The following LCTL variants were observed in gnomAD, a reference collection of about 807,000 sequenced individuals.
LCTL encodes the protein lactase-like protein.
In LCTL, 76 loss-of-function variants were observed where a neutral mutation model predicts 75.8. The observed-to-expected ratio is 1.00, with a 90% CI of 0.83 to 1.21. The LOEUF is 1.21. Ranked by LOEUF, LCTL falls within the 50% of genes most tolerant of loss-of-function variation. LCTL has a pLI of 0.00. For synonymous variants in LCTL, 271 were observed against 268.8 expected (o/e 1.01, Z -0.08); for missense variants, 670 against 712.4 (o/e 0.94, Z 0.68).
In LCTL at chr15:66,561,107, G is replaced by A; in HGVS notation, c.610-6C>T. 1 of 1,614,188 alleles carries A rather than the reference G, an allele frequency of 6.2e-7. No homozygotes were observed. Among genetic ancestry groups the A allele is most frequent in the Non-Finnish European group, 8.5e-7 (1 of 1,180,030 alleles). ...TAGCCTTTTTCTGCCATTGCCTATA[G>A]GGACAGCAAGCAGGACCACAGGATC... On this transcript the variant is annotated splice_polypyrimidine_tract_variant and splice_region_variant and intron_variant, in intron 5 of 12. Coordinates refer to ENST00000341509, the Ensembl canonical transcript of LCTL.
At chr15:66,553,172 C>G (rs371156043) in exon 9 of LCTL, 1 of 1,611,118 alleles carries the variant, frequency 6.2e-7, no homozygotes. Context: ...CCCAAGAAAT[C>G]GGATGTGCCT....
rs555821093 is a variant in LCTL at position 66,562,799 on chromosome 15, G to A, written c.480+717C>T. ...GTGTTTCACCAGGTTGGCCAGGCTG[G>A]TCTCGAAGTCCTGACTTCAGGTGAT... On this transcript the variant is annotated intron_variant, in intron 4 of 12. Transcript: ENST00000341509. Among the ~76,000 whole-genome samples, 51 of 152,264 alleles carry A rather than the reference G, an allele frequency of 3.3e-4. 1 individual carries two copies. In the South Asian group the frequency reaches 0.01, roughly 30 times the overall value.
At chr15:66,553,845 T>C (rs1057340882) in intron 8 of LCTL, among the ~76,000 whole-genome samples, 33 of 151,668 alleles carry the variant, frequency 2.2e-4, no homozygotes, top group African/African-American at 7.5e-4. Flanking sequence ...GGCTCCTATA[T>C]TGTTCCTTAC....
At chr15:66,563,197 T>C (rs1310279772) in intron 4 of LCTL, among the ~76,000 whole-genome samples, 1 of 152,166 alleles carries the variant, frequency 6.6e-6, no homozygotes, top group Non-Finnish European at 1.5e-5. Flanking sequence ...CAAGGCATCA[T>C]CTTGGAAGCA....
At chr15:66,553,684 G>A (rs1567059027) in intron 8 of LCTL, among the ~76,000 whole-genome samples, 1 of 151,652 alleles carries the variant, frequency 6.6e-6, no homozygotes, top group African/African-American at 2.4e-5. Context: ...GAATCCAGGA[G>A]GTGGAGCTTG....
intron 8 of LCTL, among the ~76,000 whole-genome samples, chr15:66,557,073 G>C (rs1322764603): frequency 6.6e-6 from 1 of 152,126 alleles, no homozygotes; most frequent in Non-Finnish European, 1.5e-5. Flanking sequence ...TGTGGCCATG[G>C]GGATTGGTTG....
At chr15:66,551,749 G>C in exon 11 of LCTL, 1 of 1,613,744 alleles carries the variant, frequency 6.2e-7, no homozygotes, top group Admixed American at 1.7e-5. Flanking sequence ...TATTTCTGTC[G>C]TTAAATTCAA....
intron 9 of LCTL, 144 bp from the exon 11 acceptor site, chr15:66,552,313 C>T (rs1895627385): frequency 1.6e-6 from 1 of 618,736 alleles, no homozygotes; most frequent in Non-Finnish European, 2.8e-6. Context: ...TGTCAGATAA[C>T]ATGTTTATTT....
At chr15:66,553,511 T>G (rs1016394921) in intron 8 of LCTL, among the ~76,000 whole-genome samples, 2 of 151,660 alleles carry the variant, frequency 1.3e-5, no homozygotes, top group African/African-American at 4.8e-5. Context: ...ATCCCAGCAC[T>G]TTGGGAGGCT....
exon 2 of LCTL, chr15:66,564,814 A>G: frequency 6.2e-7 from 1 of 1,612,816 alleles, no homozygotes; most frequent in Non-Finnish European, 8.5e-7. Context: ...TCTGGTAGGC[A>G]GAACTGCCCA....
intron 6 of LCTL, 103 bp from the exon 8 acceptor site, chr15:66,558,139 T>C (rs1029728686): frequency 3.1e-6 from 3 of 970,198 alleles, no homozygotes; most frequent in Non-Finnish European, 4.5e-6. Context: ...AGCTATTATT[T>C]TCATCAATCC....
chr15:66,563,932 G>C lies in LCTL; in HGVS notation c.349C>G (p.Leu117Val), dbSNP rs754996423. ...TCACCTCGGATGCCTGTGGGCAGGAGCCGGGGCCAAGACAGGGAGAATCGG... is the reference window on the plus strand; with the variant it reads ...TCACCTCGGATGCCTGTGGGCAGGACCCGGGGCCAAGACAGGGAGAATCGG... Residue 117 changes from leucine to valine, a missense_variant, in exon 3 of 13, where the codon CTC (leucine) becomes GTC (valine). Transcript: ENST00000341509. The C allele has an allele frequency of 2.8e-5, 46 of 1,614,122 alleles. No homozygotes were observed. In the East Asian group the frequency reaches 1.0e-3, roughly 36 times the overall value.
exon 3 of LCTL, chr15:66,563,921 T>C: frequency 6.2e-7 from 1 of 1,613,920 alleles, no homozygotes; most frequent in Non-Finnish European, 8.5e-7. Flanking sequence ...CTCGGATGCC[T>C]GTGGGCAGGA....
chr15:66,563,839 G>T, intron 3 of LCTL, 72 bp downstream of exon 4: 1 of 1,216,512 alleles, frequency 8.2e-7, no homozygotes, highest in Non-Finnish European at 1.2e-6. Context: ...CCAGGACTCT[G>T]TGGTGCCCCT....
chr15:66,565,746 C>T (rs980342555), upstream of LCTL: 17 of 196,296 alleles, frequency 8.7e-5, no homozygotes, highest in African/African-American at 1.9e-4. Context: ...CCCAACGACA[C>T]GCAGACCCCT....
At chr15:66,563,489 G>T in intron 4 of LCTL, 27 bp downstream of exon 5, 2 of 1,544,008 alleles carry the variant, frequency 1.3e-6, no homozygotes, top group South Asian at 1.1e-5. Flanking sequence ...GTCCCCTTTG[G>T]GCCTGTGAGC....
chr15:66,564,232 G>A (rs891268375), intron 2 of LCTL: 11 of 565,346 alleles, frequency 1.9e-5, no homozygotes, highest in Non-Finnish European at 3.2e-5. Flanking sequence ...GTCCATCAGG[G>A]TGCCCCTAGT....
chr15:66,559,493 G>T (rs1208559107), intron 6 of LCTL, among the ~76,000 whole-genome samples: 2 of 152,166 alleles, frequency 1.3e-5, no homozygotes, highest in African/African-American at 2.4e-5. Flanking sequence ...AGATCACGAG[G>T]TCAGGAGTTG....
In LCTL at chr15:66,564,743, CTG is replaced by C. The variant is rs2140855981; in HGVS notation, c.213_214del (p.His71GlnfsTer10). The stretch of plus-strand genomic sequence containing the variant: ...ATTCCCAAGCACTTTCCCCTTCCCA[CTG>C]TGTGTGAAGACGTCCCAGATGCTAG... On this transcript the variant is annotated frameshift_variant, in exon 2 of 13. Transcript: ENST00000341509. LOFTEE classifies it high-confidence loss of function. The C allele has an allele frequency of 6.2e-7, 1 of 1,613,770 alleles. No individual in the cohort carries two copies. Among genetic ancestry groups the C allele is most frequent in the East Asian group, 2.2e-5 (1 of 44,868 alleles).
Sources: gnomAD v4.1 joint callset for allele counts (sites outside exome capture counted in the v4.1 genomes callset) on GRCh38, gnomAD v4.1.1 for gene constraint, MANE v1.5 for transcripts, NCBI Gene and HGNC (gene_info 2026-07-23, HGNC 2026-07-21) for gene names.